SCN11A: variants seen among roughly 807,000 people sequenced by gnomAD.
The protein encoded by SCN11A is sodium channel protein type 11 subunit alpha.
SCN11A carries 122 observed loss-of-function variants against 162.2 expected under a neutral mutation model. The observed-to-expected ratio is 0.75, with a 90% CI of 0.65 to 0.87. The LOEUF (loss-of-function observed/expected upper bound fraction) is 0.87. SCN11A is among the 40% of genes least tolerant of loss of function. The pLI, the probability that SCN11A is intolerant of heterozygous loss-of-function variation, is 0.00. For missense variants in SCN11A, 2,015 were observed against 2,181.6 expected (o/e 0.92, Z 1.52); for synonymous variants, 758 against 751.5 (o/e 1.01, Z -0.14).
chr3:38,857,582 TA>T lies in SCN11A; in HGVS notation c.4056+5612del, dbSNP rs1488539497. 3.3e-5 allele frequency among the ~76,000 whole-genome samples: 5 copies of T among 151,994 alleles called. No homozygotes were observed. The East Asian group carries it at 9.6e-4, about 29-fold the overall frequency. ...AGTTCATAAAACTTATCTGAAGAAA[TA>T]ATTGAGGAAAACTTTCCTGGCCTTG... On this transcript the variant is annotated intron_variant, in intron 28 of 29. Transcript: ENST00000302328.
intron 26 of SCN11A, 103 bp downstream of exon 26, chr3:38,870,588 C>G (rs1255248558): frequency 1.1e-6 from 1 of 911,160 alleles, no homozygotes; most frequent in East Asian, 2.5e-5. Context: ...AGGCAGAGAA[C>G]CCCAGCTGCT....
At chr3:38,856,137 A>C (rs553754357) in intron 28 of SCN11A, among the ~76,000 whole-genome samples, 1 of 152,358 alleles carries the variant, frequency 6.6e-6, no homozygotes, top group Non-Finnish European at 1.5e-5. Flanking sequence ...GTGCTGGCAC[A>C]GTAGGGAAAG....
At position 38,950,155 on chromosome 3, in the gene SCN11A, G is replaced by T. The variant is rs772145472; in HGVS notation, c.208C>A (p.Pro70Thr). The T allele has an allele frequency of 1.2e-6, 2 of 1,608,536 alleles. No individual in the cohort carries two copies. The highest frequency in any genetic ancestry group is 3.4e-5 in the Admixed American group (2 of 58,396). ...RKLPKLYGDI[P>T]RELIGKPLED... ...AGAGGCTTTCCTATGAGCTCACGAG[G>T]AATGTCGCCATAGAGCTTGGGCAAC... Residue 70 changes from proline to threonine, a missense_variant, in exon 5 of 30, where the codon CCT (proline) becomes ACT (threonine). Physicochemically the swap from Pro to Thr is conservative, Grantham distance 38. Coordinates refer to ENST00000302328, the MANE Select transcript of SCN11A (RefSeq NM_001349253.2).
rs1190161081 is a variant in SCN11A at position 38,910,089 on chromosome 3, A to G, written c.1078T>C (p.Ser360Pro). 1.9e-5 allele frequency: 30 copies of G among 1,613,900 alleles called. No individual in the cohort carries two copies. The highest frequency in any genetic ancestry group is 2.5e-5 in the Non-Finnish European group (30 of 1,179,916). The change falls in exon 12 of 30, where the codon TCC becomes CCC. Residue 360 changes from serine to proline, a missense_variant. Ser to Pro is a moderately conservative substitution (Grantham distance 74). Transcript: ENST00000302328. ...ACCTGTTGATAAAGCTTCTCCCAGG[A>G]ATCTTGGGTCATCAGCCGGAACATG... ...LAMFRLMTQD[S>P]WEKLYQQTLR...
At chr3:38,897,487 C>A (rs1027393568) in intron 17 of SCN11A, among the ~76,000 whole-genome samples, 1 of 151,566 alleles carries the variant, frequency 6.6e-6, no homozygotes, top group South Asian at 2.1e-4. Context: ...GAGGCCAAGG[C>A]GGGTGGATCA....
intron 19 of SCN11A, among the ~76,000 whole-genome samples, chr3:38,891,650 AC>A (rs2065501552): frequency 6.6e-6 from 1 of 152,196 alleles, no homozygotes; most frequent in Admixed American, 6.5e-5. Context: ...CTTGTGAAGG[AC>A]TTCCTGCTGC....
chr3:38,933,517 A>C (rs1215214346), intron 7 of SCN11A, among the ~76,000 whole-genome samples: 2 of 152,236 alleles, frequency 1.3e-5, no homozygotes, highest in Non-Finnish European at 2.9e-5. Flanking sequence ...ACCAATACAG[A>C]GAAGTGCTTA....
rs9813847 is a variant in SCN11A, at chr3:38,921,267, G to T, written c.713-12C>A. 0.013 allele frequency: 20,642 copies of T among 1,612,522 alleles called. 1,881 individuals carry two copies. In the African/African-American group the frequency reaches 0.22, roughly 17 times the overall value. ...GATGACCTTCAGACCTGAGAAAGAGGACAGGCTTGGGGAGAAGCCCATCCC... is the reference window on the plus strand; with the variant it reads ...GATGACCTTCAGACCTGAGAAAGAGTACAGGCTTGGGGAGAAGCCCATCCC... On this transcript the variant is annotated splice_polypyrimidine_tract_variant and intron_variant, in intron 9 of 29. Transcript: ENST00000302328.
rs769702904 is a variant in SCN11A at position 38,899,876 on chromosome 3, A to T, written c.2022+18T>A. On this transcript the variant is annotated intron_variant, in intron 17 of 29. Transcript: ENST00000302328. ...TTAGGCAGCTACGTTTATGCAGTAA[A>T]ATAAGAAAGTGCCTTACCACTCTGA... 11 of 1,605,672 alleles carry T rather than the reference A, an allele frequency of 6.9e-6. No individual in the cohort carries two copies. In the South Asian group the frequency reaches 1.2e-4, roughly 18 times the overall value.
At chr3:38,987,192 G>A (rs1048626370) in intron 2 of SCN11A, among the ~76,000 whole-genome samples, 2 of 151,856 alleles carry the variant, frequency 1.3e-5, no homozygotes, top group African/African-American at 4.8e-5. Flanking sequence ...CCTCTTTCCT[G>A]TCCTGTCCTG....
Position 38,905,230 on chromosome 3 carries a change from G to GCT in SCN11A, c.1563_1564dup (p.Ala522GlufsTer3). On this transcript the variant is annotated frameshift_variant, in exon 15 of 30. Transcript: ENST00000302328. LOFTEE classifies it high-confidence loss of function. ...GGTGAGGATGCTGACAGCACTCAGTGCTCTCTGCCTTTGGAGAGGATCTCC... is the reference window on the plus strand; with the variant it reads ...GGTGAGGATGCTGACAGCACTCAGTGCTCTCTCTGCCTTTGGAGAGGATCTCC... The GCT allele has an allele frequency of 4.3e-6, 7 of 1,614,070 alleles. No homozygotes were observed. The highest frequency in any genetic ancestry group is 5.9e-6 in the Non-Finnish European group (7 of 1,179,958).
At chr3:38,953,576 T>C (rs1001575637) in intron 4 of SCN11A, among the ~76,000 whole-genome samples, 53 bp downstream of exon 4, 1 of 152,102 alleles carries the variant, frequency 6.6e-6, no homozygotes, top group African/African-American at 2.4e-5. Flanking sequence ...AGTTAATAAA[T>C]AGCCTTGACA....
At chr3:39,048,716 T>C (rs991747644) in intron 1 of SCN11A, among the ~76,000 whole-genome samples, 2 of 152,328 alleles carry the variant, frequency 1.3e-5, no homozygotes, top group South Asian at 2.1e-4. Flanking sequence ...TTCTAATGAA[T>C]TGACTATGGC....
At position 38,910,154 on chromosome 3, in the gene SCN11A, T is replaced by TTA. The variant is rs2065866256; in HGVS notation, c.1011_1012dup (p.Asn338IlefsTer19). The TTA allele has an allele frequency of 1.2e-6, 2 of 1,613,548 alleles. No individual in the cohort carries two copies. The highest frequency in any genetic ancestry group is 3.3e-5 in the Admixed American group (2 of 59,966). ...GCCAAAGTTGTCAAAATTCGTATAATTATAGTCAGGATTAATTTTGGTGTG... is the reference window on the plus strand; with the variant it reads ...GCCAAAGTTGTCAAAATTCGTATAATTATATAGTCAGGATTAATTTTGGTGTG... On this transcript the variant is annotated frameshift_variant, in exon 12 of 30. Transcript: ENST00000302328. LOFTEE classifies it high-confidence loss of function.
chr3:39,045,899 A>C (rs747265860), intron 1 of SCN11A, among the ~76,000 whole-genome samples: 1 of 152,138 alleles, frequency 6.6e-6, no homozygotes, highest in Non-Finnish European at 1.5e-5. Flanking sequence ...AAACTTAAAG[A>C]CTTCATCAAA....
intron 1 of SCN11A, among the ~76,000 whole-genome samples, chr3:39,043,207 T>C (rs764987489): frequency 5.9e-5 from 9 of 152,110 alleles, no homozygotes; most frequent in Admixed American, 5.9e-4. Flanking sequence ...AACCCTCGTA[T>C]ACTGTTGGTA....
intron 2 of SCN11A, among the ~76,000 whole-genome samples, chr3:39,021,138 A>C (rs2087857777): frequency 1.3e-5 from 2 of 152,144 alleles, no homozygotes; most frequent in African/African-American, 4.8e-5. Context: ...CAGGTGGTTT[A>C]GCGCTCCACC....
Position 38,850,461 on chromosome 3 carries a change from T to A in SCN11A, c.4327+20A>T, listed in dbSNP as rs773640988. 1.2e-5 allele frequency: 20 copies of A among 1,603,998 alleles called. No homozygotes were observed. The Admixed American group carries it at 3.4e-4, about 27-fold the overall frequency. Reference sequence around the variant, plus strand: ...TTACTTCTGGTTCTTAAAGTCCCTCTGACTGCTGATTTTACTTACTAACAA... The same window carrying A: ...TTACTTCTGGTTCTTAAAGTCCCTCAGACTGCTGATTTTACTTACTAACAA... On this transcript the variant is annotated intron_variant, in intron 29 of 29. Transcript: ENST00000302328.
intron 2 of SCN11A, among the ~76,000 whole-genome samples, chr3:38,974,970 G>A (rs1306028831): frequency 6.6e-6 from 1 of 150,418 alleles, no homozygotes; most frequent in African/African-American, 2.4e-5. Flanking sequence ...AGCTGCCATA[G>A]AGAAAATAAA....
Sources: allele counts gnomAD v4.1 joint callset (sites outside exome capture counted in the v4.1 genomes callset), GRCh38; gene constraint gnomAD v4.1.1; transcripts MANE v1.5; gene names NCBI Gene and HGNC (gene_info 2026-07-23, HGNC 2026-07-21).